The following SIL1 variants were observed in gnomAD, a reference collection of about 807,000 sequenced individuals.
SIL1 encodes SIL1 nucleotide exchange factor.
A neutral mutation model predicts 49.1 loss-of-function variants in SIL1; 40 were observed. That is an observed-to-expected ratio of 0.81 (90% CI 0.63 to 1.06). SIL1 has a LOEUF of 1.06. Ranked by LOEUF, SIL1 falls within the 50% of genes least tolerant of loss-of-function variation. The pLI is 0.00. For missense variants in SIL1, 500 were observed against 572.6 expected (o/e 0.87, Z 1.29); for synonymous variants, 253 against 250.8 (o/e 1.01, Z -0.08).
chr5:139,118,475 TC>T (rs1561869079), intron 3 of SIL1, among the ~76,000 whole-genome samples: 1 of 152,068 alleles, frequency 6.6e-6, no homozygotes, highest in African/African-American at 2.4e-5. Context: ...GCAGGACACT[TC>T]CCCCATGCCA....
At chr5:138,962,680 G>C (rs1767046381) in intron 7 of SIL1, among the ~76,000 whole-genome samples, 1 of 152,206 alleles carries the variant, frequency 6.6e-6, no homozygotes, top group Non-Finnish European at 1.5e-5. Flanking sequence ...CTTCTCAGAA[G>C]GGAGAGGAGC....
At position 138,951,708 on chromosome 5, in the gene SIL1, C is replaced by G. The variant is rs1306879830; in HGVS notation, c.864+80G>C. 6 of 1,340,250 alleles carry G rather than the reference C, an allele frequency of 4.5e-6. No individual in the cohort carries two copies. In the East Asian group the frequency reaches 6.9e-5, roughly 15 times the overall value. 83.0% of individuals were successfully genotyped at this position (1,340,250 alleles called of 1,614,324 possible). A position where few individuals can be genotyped will look rare whatever the true frequency, so the allele number is the denominator to read the frequency against. ...GCTCAGGCCCCCATGGTAACATGCA[C>G]AGCCTGGACAGGAACCCTTTCCTTT... On this transcript the variant is annotated intron_variant, in intron 8 of 9. Transcript: ENST00000394817.
intron 3 of SIL1, among the ~76,000 whole-genome samples, chr5:139,089,598 T>C (rs1770297490): frequency 1.3e-5 from 2 of 152,224 alleles, no homozygotes; most frequent in Non-Finnish European, 2.9e-5. Context: ...GGTATCTCCA[T>C]ACAATGATAC....
At chr5:139,052,707 T>C (rs1169743891) in intron 3 of SIL1, among the ~76,000 whole-genome samples, 1 of 150,806 alleles carries the variant, frequency 6.6e-6, no homozygotes, top group Non-Finnish European at 1.5e-5. Flanking sequence ...CAGAGCGCAG[T>C]GGAAAAATCC....
intron 7 of SIL1, among the ~76,000 whole-genome samples, chr5:138,976,453 C>G (rs534319030): frequency 2.2e-4 from 33 of 151,886 alleles, no homozygotes; most frequent in Non-Finnish European, 4.3e-4. Context: ...GCTGGGATTA[C>G]AGGCACGCGC....
At chr5:139,118,066 TA>T (rs1469862790) in intron 3 of SIL1, among the ~76,000 whole-genome samples, 1 of 152,174 alleles carries the variant, frequency 6.6e-6, no homozygotes, top group African/African-American at 2.4e-5. Flanking sequence ...ACTGTCCATA[TA>T]AACTTGCAAT....
At chr5:139,047,367 G>A (rs1170439396) in intron 4 of SIL1, among the ~76,000 whole-genome samples, 1 of 152,250 alleles carries the variant, frequency 6.6e-6, no homozygotes, top group Non-Finnish European at 1.5e-5. Flanking sequence ...ACAAGCCAGA[G>A]TCAGGGTCTT....
At chr5:138,997,263 G>A (rs1439233475) in intron 7 of SIL1, among the ~76,000 whole-genome samples, 2 of 152,106 alleles carry the variant, frequency 1.3e-5, no homozygotes, top group Admixed American at 1.3e-4. Context: ...CATAATTTCA[G>A]GTCTTAGACT....
chr5:139,170,171 C>T (rs1751720636), intron 1 of SIL1, among the ~76,000 whole-genome samples: 2 of 152,216 alleles, frequency 1.3e-5, no homozygotes, highest in Non-Finnish European at 2.9e-5. Context: ...ACTCAGTGCT[C>T]AATGGTGCCC....
chr5:139,120,013 C>T (rs1423160873), intron 3 of SIL1, among the ~76,000 whole-genome samples: 1 of 152,332 alleles, frequency 6.6e-6, no homozygotes, highest in African/African-American at 2.4e-5. Flanking sequence ...TTCCTCGGTG[C>T]TTCATCACTC....
intron 7 of SIL1, among the ~76,000 whole-genome samples, chr5:139,018,590 C>CAA (rs34450224): frequency 0.13 from 8,738 of 69,784 alleles, 1,157 homozygotes; most frequent in African/African-American, 0.37. Context: ...GACCCTGACT[C>CAA]AAAAAAAAAA....
In SIL1 at chr5:139,087,277, T is replaced by C. The variant is rs1390083491; in HGVS notation, c.244+33758A>G. 3.3e-5 allele frequency among the ~76,000 whole-genome samples: 5 copies of C among 152,086 alleles called. No individual in the cohort carries two copies. The East Asian group carries it at 9.6e-4, about 29-fold the overall frequency. On this transcript the variant is annotated intron_variant, in intron 3 of 9. Coordinates refer to ENST00000394817, the MANE Select transcript of SIL1 (RefSeq NM_022464.5). ...AATCCAACATCCTGCTACAATCCCATCTCTTTCCCATATGACAACAGGGTA... is the reference window on the plus strand; with the variant it reads ...AATCCAACATCCTGCTACAATCCCACCTCTTTCCCATATGACAACAGGGTA...
chr5:139,011,359 G>A (rs572985557), intron 7 of SIL1, among the ~76,000 whole-genome samples: 178 of 152,340 alleles, frequency 1.2e-3, no homozygotes, highest in African/African-American at 4.0e-3. Flanking sequence ...TGCGCCCACT[G>A]TCTGGCACTC....
chr5:138,965,846 C>T (rs1009160616), intron 7 of SIL1, among the ~76,000 whole-genome samples: 4 of 151,596 alleles, frequency 2.6e-5, no homozygotes, highest in South Asian at 2.1e-4. Context: ...GTCCAGGTTC[C>T]GGGACCATGA....
intron 3 of SIL1, among the ~76,000 whole-genome samples, chr5:139,087,365 T>C (rs1043651042): frequency 1.3e-5 from 2 of 152,054 alleles, no homozygotes; most frequent in Non-Finnish European, 2.9e-5. Flanking sequence ...CCATGCTGTG[T>C]GGGGAAGAGT....
At chr5:138,968,874 G>A (rs901523955) in intron 7 of SIL1, among the ~76,000 whole-genome samples, 4 of 152,090 alleles carry the variant, frequency 2.6e-5, no homozygotes, top group Non-Finnish European at 5.9e-5. Flanking sequence ...TGAGCACCTT[G>A]CCCATTCCAA....
chr5:139,079,675 C>T (rs1770031348), intron 3 of SIL1, among the ~76,000 whole-genome samples: 1 of 152,110 alleles, frequency 6.6e-6, no homozygotes, highest in South Asian at 2.1e-4. Context: ...CAAGTGGCTG[C>T]AAATAGAACA....
chr5:139,130,253 C>T (rs1358524409), intron 1 of SIL1, among the ~76,000 whole-genome samples: 10 of 151,884 alleles, frequency 6.6e-5, no homozygotes, highest in East Asian at 1.9e-4. Context: ...CACTGTGCTC[C>T]GGCCTGGGCA....
At chr5:139,198,031 A>G (rs1390505771) in intron 1 of SIL1, among the ~76,000 whole-genome samples, 2 of 152,188 alleles carry the variant, frequency 1.3e-5, no homozygotes, top group Non-Finnish European at 1.5e-5. Context: ...CCACGGCCCC[A>G]TCTCCTGCCA....
Sources: allele counts gnomAD v4.1 joint callset (sites outside exome capture counted in the v4.1 genomes callset), GRCh38; gene constraint gnomAD v4.1.1; transcripts MANE v1.5; gene names NCBI Gene and HGNC (gene_info 2026-07-23, HGNC 2026-07-21).